The following NKAIN2 variants were observed in gnomAD, a reference collection of about 807,000 sequenced individuals.
The protein encoded by NKAIN2 is sodium/potassium transporting ATPase interacting 2.
In NKAIN2, 14 loss-of-function variants were observed where a neutral mutation model predicts 32.6. That is an observed-to-expected ratio of 0.43 (90% CI 0.28 to 0.67). The LOEUF (loss-of-function observed/expected upper bound fraction) is 0.67. Among genes scored for constraint, NKAIN2 ranks in the 30% least tolerant of loss-of-function variants. NKAIN2 has a pLI of 0.17. For missense variants in NKAIN2, 198 were observed against 258.3 expected, an observed-to-expected ratio of 0.77 and a Z score of 1.60; for synonymous variants, 80 against 87.2, an observed-to-expected ratio of 0.92 and a Z score of 0.46.
At chr6:124,042,019 G>A (rs1438561523) in intron 1 of NKAIN2, among the ~76,000 whole-genome samples, 1 of 151,990 alleles carries the variant, frequency 6.6e-6, no homozygotes, top group Non-Finnish European at 1.5e-5. Context: ...AAATATAATG[G>A]AATAAATGAA....
intron 1 of NKAIN2, among the ~76,000 whole-genome samples, chr6:123,815,054 A>T (rs1773633208): frequency 6.6e-6 from 1 of 152,234 alleles, no homozygotes; most frequent in African/African-American, 2.4e-5. Flanking sequence ...CATGTGCTGA[A>T]TAAATTGTGT....
At chr6:123,915,904 C>G (rs942798068) in intron 1 of NKAIN2, among the ~76,000 whole-genome samples, 1 of 152,098 alleles carries the variant, frequency 6.6e-6, no homozygotes, top group Non-Finnish European at 1.5e-5. Flanking sequence ...CATCAACCTC[C>G]AAATTTATTT....
intron 1 of NKAIN2, among the ~76,000 whole-genome samples, chr6:123,923,273 T>C (rs1775842160): frequency 6.6e-6 from 1 of 152,206 alleles, no homozygotes; most frequent in African/African-American, 2.4e-5. Context: ...AAGCAGATAA[T>C]TCTGACAAAA....
At chr6:123,863,621 C>T (rs1272646720) in intron 1 of NKAIN2, among the ~76,000 whole-genome samples, 1 of 151,546 alleles carries the variant, frequency 6.6e-6, no homozygotes, top group Admixed American at 6.6e-5. Flanking sequence ...TATTCAGGCC[C>T]TCTTGGCCTG....
At chr6:124,078,725 T>C (rs1384415251) in intron 1 of NKAIN2, among the ~76,000 whole-genome samples, 4 of 151,838 alleles carry the variant, frequency 2.6e-5, no homozygotes, top group Non-Finnish European at 4.4e-5. Context: ...GTTTTGAAAA[T>C]AGGGTTTTTA....
chr6:124,751,706 C>T (rs542502034), intron 4 of NKAIN2, among the ~76,000 whole-genome samples: 7 of 151,712 alleles, frequency 4.6e-5, no homozygotes, highest in Non-Finnish European at 7.4e-5. Context: ...AGGCCAGGCA[C>T]CATGGCTCAC....
At chr6:124,571,713 A>G (rs992001800) in intron 3 of NKAIN2, among the ~76,000 whole-genome samples, 3 of 152,102 alleles carry the variant, frequency 2.0e-5, no homozygotes, top group African/African-American at 4.8e-5. Flanking sequence ...CCTTCCTCAC[A>G]TATGCTTAAT....
In NKAIN2 at chr6:124,130,024, A is replaced by G. The variant is rs1786382645; in HGVS notation, c.55-152981A>G. 2.6e-5 allele frequency among the ~76,000 whole-genome samples: 4 copies of G among 152,334 alleles called. No homozygotes were observed. The South Asian group carries it at 8.3e-4, about 32-fold the overall frequency. On this transcript the variant is annotated intron_variant, in intron 1 of 6. Coordinates refer to ENST00000368417, the MANE Select transcript of NKAIN2 (RefSeq NM_001040214.3). The stretch of plus-strand genomic sequence containing the variant: ...AGACTTACATGATTTAGTTTCTGCA[A>G]TCTAAGTGAAAAGAGCATTGCTGTT...
rs1562171190 is a variant in NKAIN2 at position 124,417,504 on chromosome 6, AT to A, written c.273+62160del. On this transcript the variant is annotated intron_variant, in intron 3 of 6. Coordinates refer to ENST00000368417, the MANE Select transcript of NKAIN2 (RefSeq NM_001040214.3). ...GCTAATCTTGCTTATTTATTTATTT[AT>A]TTATTTATTAACTTTAAAGCATTTT... is the stretch of plus-strand genomic sequence containing the variant. 3.3e-5 allele frequency among the ~76,000 whole-genome samples: 5 copies of A among 152,110 alleles called. No homozygotes were observed. In the East Asian group the frequency reaches 9.6e-4, roughly 29 times the overall value.
chr6:124,283,642 T>C (rs1050296426), intron 2 of NKAIN2, among the ~76,000 whole-genome samples: 3 of 152,156 alleles, frequency 2.0e-5, no homozygotes, highest in African/African-American at 7.2e-5. Flanking sequence ...ATAATTCTCT[T>C]TTTGGCTTGA....
intron 3 of NKAIN2, among the ~76,000 whole-genome samples, chr6:124,534,061 T>C (rs1277103277): frequency 6.6e-6 from 1 of 152,230 alleles, no homozygotes; most frequent in Non-Finnish European, 1.5e-5. Flanking sequence ...ACACAAATAT[T>C]TAATCTGTCA....
At chr6:124,459,857 C>A (rs973559992) in intron 3 of NKAIN2, among the ~76,000 whole-genome samples, 13 of 151,640 alleles carry the variant, frequency 8.6e-5, no homozygotes, top group African/African-American at 3.1e-4. Context: ...TTTCAAAAAG[C>A]AAGTATCATC....
chr6:124,112,813 C>T (rs574006057), intron 1 of NKAIN2, among the ~76,000 whole-genome samples: 37 of 151,340 alleles, frequency 2.4e-4, no homozygotes, highest in African/African-American at 6.8e-4. Flanking sequence ...TATTCCAGTT[C>T]GCTGATACTT....
chr6:124,175,651 C>T (rs1789118495), intron 1 of NKAIN2, among the ~76,000 whole-genome samples: 1 of 152,124 alleles, frequency 6.6e-6, no homozygotes, highest in African/African-American at 2.4e-5. Context: ...TGGGAAGTTA[C>T]TAATATAATT....
intron 3 of NKAIN2, among the ~76,000 whole-genome samples, chr6:124,531,628 G>T (rs998836793): frequency 2.0e-5 from 3 of 152,070 alleles, no homozygotes; most frequent in African/African-American, 7.2e-5. Flanking sequence ...CTTTGAACTT[G>T]GGGAGATAGG....
intron 1 of NKAIN2, among the ~76,000 whole-genome samples, chr6:124,186,799 C>T (rs75945309): frequency 2.4e-3 from 358 of 152,218 alleles, no homozygotes; most frequent in African/African-American, 8.1e-3. Context: ...GAAATGTTTA[C>T]CTCTCTGTGA....
At position 124,283,426 on chromosome 6, in the gene NKAIN2, A is replaced by G. The variant is rs542073804; in HGVS notation, c.192+284A>G. ...CCAAACTGTGTTTCTATGTTTCTAC[A>G]TTATAAAGTCATGCTTTCTGGTTTG... On this transcript the variant is annotated intron_variant, in intron 2 of 6. Transcript: ENST00000368417. 2.0e-5 allele frequency among the ~76,000 whole-genome samples: 3 copies of G among 152,350 alleles called. No homozygotes were observed. The East Asian group carries it at 5.8e-4, about 29-fold the overall frequency.
intron 2 of NKAIN2, among the ~76,000 whole-genome samples, chr6:124,354,963 G>A (rs765216206): frequency 1.7e-4 from 25 of 150,922 alleles, no homozygotes; most frequent in Non-Finnish European, 2.8e-4. Context: ...CCAGCTATTC[G>A]GGAGGCTGAG....
rs980607786 is a variant in NKAIN2, at chr6:123,874,354, A to G, written c.54+70100A>G. Among the ~76,000 whole-genome samples, 31 of 152,200 alleles carry G rather than the reference A, an allele frequency of 2.0e-4. 1 individual carries two copies. The highest frequency in any genetic ancestry group is 7.3e-5 in the Non-Finnish European group (5 of 68,034). On this transcript the variant is annotated intron_variant, in intron 1 of 6. Transcript: ENST00000368417. ...TAAAAAATCACATGAGAAACATTCC[A>G]AATTTTCTGGTTAATCTAAGTAATC...
Sources: allele counts gnomAD v4.1 joint callset (sites outside exome capture counted in the v4.1 genomes callset), GRCh38; gene constraint gnomAD v4.1.1; transcripts MANE v1.5; gene names NCBI Gene and HGNC (gene_info 2026-07-23, HGNC 2026-07-21).